The following SLC4A7 variants were observed in gnomAD, a reference collection of about 807,000 sequenced individuals.
The protein encoded by SLC4A7 is solute carrier family 4 member 7.
Under a neutral mutation model 137.6 loss-of-function variants are expected in SLC4A7, and 51 were observed. The ratio of observed to expected loss-of-function variants is 0.37; its 90% CI spans 0.30 to 0.47. The LOEUF is 0.47. SLC4A7 is among the 20% of genes least tolerant of loss of function. The probability of loss-of-function intolerance (pLI) is 1.00; values close to 1 mark genes in which losing one functional copy is unlikely to be tolerated. For missense variants in SLC4A7, 1,247 were observed against 1,525.4 expected, an observed-to-expected ratio of 0.82 and a Z score of 3.04; for synonymous variants, 542 against 518.6, an observed-to-expected ratio of 1.05 and a Z score of -0.61.
In SLC4A7 at chr3:27,421,749, T is replaced by C; in HGVS notation, c.1297A>G (p.Thr433Ala). Residue 433 changes from threonine to alanine, a missense_variant, in exon 9 of 26, where the codon ACG becomes GCG. This residue lies in a region of SLC4A7 where 499 missense variants were observed against 664.2 expected (regional missense o/e 0.75). Transcript: ENST00000454389. The part of the protein sequence containing the change: ...VDMNFMRKIP[T>A]GAEASNVLVG... ...AGGACGTTGGATGCCTCAGCACCCG[T>C]AGGAATTTTTCTCATGAAATTCATA... 3 of 1,612,862 alleles carry C rather than the reference T, an allele frequency of 1.9e-6. No individual in the cohort carries two copies. Among genetic ancestry groups the C allele is most frequent in the East Asian group, 2.2e-5 (1 of 44,870 alleles).
In SLC4A7 at chr3:27,459,790, T is replaced by G. The variant is rs965157069; in HGVS notation, c.61-7292A>C. Among the ~76,000 whole-genome samples the G allele has an allele frequency of 2.6e-5, 4 of 152,182 alleles. No homozygotes were observed. In the East Asian group the frequency reaches 7.7e-4, roughly 29 times the overall value. ...TCCCACTTCCACTCATGAGATATAATTACATTCTGTTGTGTCTTGTAACTC... is the reference window on the plus strand; with the variant it reads ...TCCCACTTCCACTCATGAGATATAAGTACATTCTGTTGTGTCTTGTAACTC... On this transcript the variant is annotated intron_variant, in intron 1 of 25. Coordinates refer to ENST00000454389, the MANE Select transcript of SLC4A7 (RefSeq NM_001321103.2).
intron 16 of SLC4A7, among the ~76,000 whole-genome samples, chr3:27,398,833 T>C (rs1393004686): frequency 2.0e-5 from 3 of 152,176 alleles, no homozygotes; most frequent in Non-Finnish European, 4.4e-5. Context: ...TTAAAATCAG[T>C]AATAAAAATT....
intron 1 of SLC4A7, among the ~76,000 whole-genome samples, chr3:27,459,159 T>A (rs2058564733): frequency 6.6e-6 from 1 of 152,028 alleles, no homozygotes; most frequent in African/African-American, 2.4e-5. Flanking sequence ...GCATAGGGAT[T>A]TGAGTGGGAC....
intron 1 of SLC4A7, among the ~76,000 whole-genome samples, chr3:27,477,070 C>A (rs820427): frequency 0.92 from 140,719 of 152,226 alleles, 65,169 homozygotes; most frequent in East Asian, 1. Context: ...TACATAATAA[C>A]ACCTTTTAAA....
At chr3:27,394,472 A>AT in intron 20 of SLC4A7, 46 bp downstream of exon 20, 2 of 1,514,878 alleles carry the variant, frequency 1.3e-6, no homozygotes, top group Non-Finnish European at 1.8e-6. Flanking sequence ...AACTAAGTAT[A>AT]AATGTTATAA....
At chr3:27,394,366 T>C (rs2051918549) in intron 20 of SLC4A7, 152 bp downstream of exon 20, 2 of 700,542 alleles carry the variant, frequency 2.9e-6, no homozygotes, top group Non-Finnish European at 4.7e-6. Context: ...ATGCTTGCTA[T>C]ACTAAAAACC....
chr3:27,383,100 T>C (rs1009283470), intron 24 of SLC4A7, 53 bp downstream of exon 24: 11 of 989,512 alleles, frequency 1.1e-5, no homozygotes, highest in African/African-American at 3.2e-5. Context: ...ATATGACTTA[T>C]TAATACATTT....
rs746352019 is a variant in SLC4A7, at chr3:27,420,712, G to A, written c.1500C>T (p.Leu500=). Residue 500 remains leucine, a synonymous_variant, in exon 10 of 26, where the codon CTC becomes CTT. Transcript: ENST00000454389. ...GTATTCTGATTACCTCATCTGTCAT[G>A]AGAGTGGCTATTGATCGTCCAATTT... ...YHEIGRSIAT[L]MTDEIFHDVA... 2 of 1,610,314 alleles carry A rather than the reference G, an allele frequency of 1.2e-6. No homozygotes were observed. Among genetic ancestry groups the A allele is most frequent in the African/African-American group, 1.3e-5 (1 of 74,956 alleles).
At chr3:27,463,297 G>A (rs1274228558) in intron 1 of SLC4A7, among the ~76,000 whole-genome samples, 1 of 152,218 alleles carries the variant, frequency 6.6e-6, no homozygotes, top group Non-Finnish European at 1.5e-5. Context: ...CAGGCGTGGT[G>A]GCGGGCGCCT....
In SLC4A7 at chr3:27,398,256, A is replaced by G; in HGVS notation, c.2525T>C (p.Phe842Ser). ...DVLFWCVILF[F>S]TTFFLSSFLK... ...GAATGAAGACAGAAAAAATGTTGTG[A>G]AAAACAAGATGACACACCAAAAGAG... The change falls in exon 17 of 26, where the codon TTC becomes TCC. Residue 842 changes from phenylalanine (F) to serine (S), a missense_variant. Phe to Ser is a radical substitution (Grantham distance 155, BLOSUM62 -2). Transcript: ENST00000454389. 1 of 1,613,404 alleles carries G rather than the reference A, an allele frequency of 6.2e-7. No homozygotes were observed. The highest frequency in any genetic ancestry group is 1.1e-5 in the South Asian group (1 of 91,022).
intron 3 of SLC4A7, among the ~76,000 whole-genome samples, chr3:27,438,653 TAACA>T (rs1300969172): frequency 1.0e-4 from 13 of 127,874 alleles, no homozygotes; most frequent in African/African-American, 2.6e-4. Context: ...TAAAACAAAA[TAACA>T]AACATAACAT....
rs1212170726 is a variant in SLC4A7 at position 27,376,498 on chromosome 3, C to T, written c.*266G>A. 4.2e-6 allele frequency: 1 copy of T among 238,708 alleles called. No homozygotes were observed. The highest frequency in any genetic ancestry group is 5.5e-5 in the Admixed American group (1 of 18,244). 14.8% of individuals were successfully genotyped at this position (238,708 alleles called of 1,614,324 possible). ...GAAAAGTAGACTGAAAGCATTTCTC[C>T]ACATCCTTCTATTGCAAAACAGAAA... On this transcript the variant is annotated 3_prime_UTR_variant, in exon 26 of 26. Coordinates refer to ENST00000454389, the MANE Select transcript of SLC4A7 (RefSeq NM_001321103.2).
chr3:27,387,731 GA>G (rs1175918434), intron 22 of SLC4A7, among the ~76,000 whole-genome samples: 3 of 152,094 alleles, frequency 2.0e-5, no homozygotes, highest in Non-Finnish European at 4.4e-5. Context: ...ATAAGCTGTT[GA>G]AGAACACCAT....
At chr3:27,451,467 T>C (rs190220008) in intron 2 of SLC4A7, among the ~76,000 whole-genome samples, 1 of 152,170 alleles carries the variant, frequency 6.6e-6, no homozygotes, top group Admixed American at 6.5e-5. Flanking sequence ...GTGGTATGCT[T>C]CCCAAATAAC....
At chr3:27,397,980 C>T (rs2052368344) in intron 17 of SLC4A7, 183 bp from the exon 18 acceptor site, 1 of 607,520 alleles carries the variant, frequency 1.6e-6, no homozygotes. Context: ...AAACACATTT[C>T]GCAACTAACC....
chr3:27,456,888 C>T, intron 1 of SLC4A7: 1 of 1,359,048 alleles, frequency 7.4e-7, no homozygotes, highest in Non-Finnish European at 9.5e-7. Flanking sequence ...AGGGTCACAG[C>T]ATAACAGATT....
At chr3:27,445,477 C>T (rs1255165020) in intron 3 of SLC4A7, among the ~76,000 whole-genome samples, 2 of 152,044 alleles carry the variant, frequency 1.3e-5, no homozygotes, top group Non-Finnish European at 2.9e-5. Context: ...CCTGTGCTGC[C>T]TCTTATACAA....
chr3:27,480,746 G>A (rs1010077601), intron 1 of SLC4A7, among the ~76,000 whole-genome samples: 1 of 151,880 alleles, frequency 6.6e-6, no homozygotes, highest in Non-Finnish European at 1.5e-5. Context: ...AATCACTACC[G>A]AATTCATACT....
intron 1 of SLC4A7, among the ~76,000 whole-genome samples, chr3:27,478,144 AG>A (rs2059543000): frequency 6.6e-6 from 1 of 152,156 alleles, no homozygotes; most frequent in South Asian, 2.1e-4. Flanking sequence ...CTAAAATGTG[AG>A]TGAACAGAAT....
Sources: gnomAD v4.1 joint callset for allele counts (sites outside exome capture counted in the v4.1 genomes callset) on GRCh38, gnomAD v4.1.1 for gene constraint, gnomAD v4.1.1 regional missense constraint, MANE v1.5 for transcripts, NCBI Gene and HGNC (gene_info 2026-07-23, HGNC 2026-07-21) for gene names.